Variants in F2 observed in about 807,000 individuals in gnomAD.
F2 encodes the protein prothrombin.
F2 carries 34 observed loss-of-function variants against 81.9 expected under a neutral mutation model. The observed-to-expected ratio is 0.42, with a 90% CI of 0.32 to 0.55. The LOEUF (loss-of-function observed/expected upper bound fraction) is 0.55, where lower values mean the gene tolerates loss of function less well. Among genes scored for constraint, F2 ranks in the 20% least tolerant of loss-of-function variants. The probability of loss-of-function intolerance (pLI) is 0.18; values close to 1 mark genes in which losing one functional copy is unlikely to be tolerated. For synonymous variants in F2, 296 were observed against 326.4 expected, an observed-to-expected ratio of 0.91 and a Z score of 1.01; for missense variants, 630 against 833.4, an observed-to-expected ratio of 0.76 and a Z score of 3.00.
chr11:46,722,449 G>C (rs2064843018), intron 4 of F2, among the ~76,000 whole-genome samples: 2 of 152,088 alleles, frequency 1.3e-5, no homozygotes, highest in African/African-American at 4.8e-5. Flanking sequence ...TAGCTGGGGT[G>C]TGGTGGCACG....
Position 46,719,729 on chromosome 11 carries a change from C to T in F2, c.107C>T (p.Ser36Leu), listed in dbSNP as rs764885504. The T allele has an allele frequency of 1.2e-5, 19 of 1,594,762 alleles. No individual in the cohort carries two copies. Among genetic ancestry groups the T allele is most frequent in the South Asian group, 1.1e-5 (1 of 87,402 alleles). Residue 36 changes from serine to leucine, a missense_variant, in exon 2 of 14, where the codon TCG becomes TTG. Ser to Leu is a moderately radical substitution (Grantham distance 145). Coordinates refer to ENST00000311907, the MANE Select transcript of F2 (RefSeq NM_000506.5). The surrounding 1 kb of genome is among the most constrained non-coding windows in gnomAD (Gnocchi z 4.7). ...HVFLAPQQAR[S>L]LLQRVRRANT... ...TTCCTGGCTCCTCAGCAAGCACGGT[C>T]GCTGCTCCAGCGGGTCCGGCGAGCC...
Position 46,726,040 on chromosome 11 carries a change from G to C in F2, c.741G>C (p.Lys247Asn). ...GCGCACAGGCCAAGGCCCTGAGCAA[G>C]CACCAGGACTTCAACTCAGCTGTGC... ...WASAQAKALS[K>N]HQDFNSAVQL... The change falls in exon 7 of 14, where the codon AAG becomes AAC. Residue 247 changes from lysine to asparagine, a missense_variant. Coordinates refer to ENST00000311907, the MANE Select transcript of F2 (RefSeq NM_000506.5). This position sits in a 1 kb window ranked among gnomAD's most constrained non-coding sequence, Gnocchi z 5.9. 1 of 1,614,158 alleles carries C rather than the reference G, an allele frequency of 6.2e-7. No individual in the cohort carries two copies. Among genetic ancestry groups the C allele is most frequent in the Non-Finnish European group, 8.5e-7 (1 of 1,180,030 alleles).
chr11:46,726,462 C>T lies in F2; in HGVS notation c.875-36C>T, dbSNP rs183112445. 146 of 1,604,796 alleles carry T rather than the reference C, an allele frequency of 9.1e-5. No individual in the cohort carries two copies. The East Asian group carries it at 3.0e-3, about 33-fold the overall frequency. ...ATCTAGGGGATGGGTGAGGAATGGC[C>T]CAGCCCAGTCCCAGCCGGTGCCTGG... On this transcript the variant is annotated intron_variant, in intron 7 of 13. Transcript: ENST00000311907. This position sits in a 1 kb window ranked among gnomAD's most constrained non-coding sequence, Gnocchi z 5.9.
intron 2 of F2, 106 bp from the exon 3 acceptor site, chr11:46,720,417 C>T (rs900247822): frequency 7.6e-7 from 1 of 1,316,638 alleles, no homozygotes; most frequent in African/African-American, 1.4e-5. Context: ...GAGCCTGCCC[C>T]CTGCGTGACC....
intron 6 of F2, among the ~76,000 whole-genome samples, chr11:46,725,593 A>G (rs2134531033): frequency 6.6e-6 from 1 of 152,240 alleles, no homozygotes; most frequent in Admixed American, 6.5e-5. Flanking sequence ...TTAATTACAG[A>G]TGGCCTAGGA....
chr11:46,726,534 A>C lies in F2; in HGVS notation c.911A>C (p.Asp304Ala). The C allele has an allele frequency of 1.2e-6, 2 of 1,614,014 alleles. No homozygotes were observed. Among genetic ancestry groups the C allele is most frequent in the African/African-American group, 1.3e-5 (1 of 75,054 alleles). Residue 304 changes from aspartate to alanine, a missense_variant, in exon 8 of 14, where the codon GAT becomes GCT. Asp to Ala is a moderately radical substitution (Grantham distance 126). Coordinates refer to ENST00000311907, the MANE Select transcript of F2 (RefSeq NM_000506.5). The surrounding 1 kb of genome is among the most constrained non-coding windows in gnomAD (Gnocchi z 5.9). ...AVEEETGDGL[D>A]EDSDRAIEGR... ...GAGGAGGAGACAGGAGATGGGCTGG[A>C]TGAGGACTCAGACAGGGCCATCGAA...
In F2 at chr11:46,725,968, G is replaced by A. The variant is rs910533110; in HGVS notation, c.669G>A (p.Gly223=). The A allele has an allele frequency of 3.7e-6, 6 of 1,613,814 alleles. No homozygotes were observed. In the Admixed American group the frequency reaches 6.7e-5, roughly 18 times the overall value. ...CVPDRGQQYQ[G]RLAVTTHGLP... Reference sequence around the variant, plus strand: ...CTGATCGGGGGCAGCAGTACCAGGGGCGCCTGGCGGTGACCACACATGGGC... The same window carrying A: ...CTGATCGGGGGCAGCAGTACCAGGGACGCCTGGCGGTGACCACACATGGGC... The change falls in exon 7 of 14, where the codon GGG becomes GGA. Residue 223 remains glycine, a synonymous_variant. Coordinates refer to ENST00000311907, the MANE Select transcript of F2 (RefSeq NM_000506.5).
At position 46,732,952 on chromosome 11, in the gene F2, G is replaced by A. The variant is rs182053788; in HGVS notation, c.1654+3391G>A. Among the ~76,000 whole-genome samples, 440 of 152,232 alleles carry A rather than the reference G, an allele frequency of 2.9e-3. 5 individuals carry two copies. The highest frequency in any genetic ancestry group is 1.9e-3 in the Non-Finnish European group (126 of 68,030). On this transcript the variant is annotated intron_variant, in intron 12 of 13. Transcript: ENST00000311907. The stretch of plus-strand genomic sequence containing the variant: ...TTAGAACTGAGATCTGGGTGCTGGC[G>A]TGTGCACATTGCTAGTGGGATGTCA...
chr11:46,728,573 C>G lies in F2; in HGVS notation c.1299-91C>G. On this transcript the variant is annotated intron_variant, in intron 10 of 13. Transcript: ENST00000311907. This position sits in a 1 kb window ranked among gnomAD's most constrained non-coding sequence, Gnocchi z 5.1. ...CCCCTCCCTGGTGGCCTGCAGGACA[C>G]ACTGTCTCCCAGACCCCAAGGGCAG... is the stretch of plus-strand genomic sequence containing the variant. 2 of 1,451,740 alleles carry G rather than the reference C, an allele frequency of 1.4e-6. No homozygotes were observed. Among genetic ancestry groups the G allele is most frequent in the Non-Finnish European group, 1.9e-6 (2 of 1,038,936 alleles). The allele number at this position is 1,451,740 out of a possible 1,614,324, so 89.9% of individuals were successfully genotyped here. A position where few individuals can be genotyped will look rare whatever the true frequency, so the allele number is the denominator to read the frequency against.
At chr11:46,737,509 C>T (rs1475397028) in intron 12 of F2, among the ~76,000 whole-genome samples, 10 of 140,138 alleles carry the variant, frequency 7.1e-5, no homozygotes, top group Non-Finnish European at 9.1e-5. Context: ...GGTGCGATCT[C>T]GGCTCACTGA....
rs1465812938 is a variant in F2, at chr11:46,723,313, T to G, written c.422+28T>G. On this transcript the variant is annotated intron_variant, in intron 5 of 13. Coordinates refer to ENST00000311907, the MANE Select transcript of F2 (RefSeq NM_000506.5). This position sits in a 1 kb window ranked among gnomAD's most constrained non-coding sequence, Gnocchi z 5.6. ...GAGTGAGGGGCCGGCCTTCCCACCA[T>G]GGGCTGAGAACAGGGAGCAAGCGTA... 1 of 1,613,306 alleles carries G rather than the reference T, an allele frequency of 6.2e-7. No homozygotes were observed. Among genetic ancestry groups the G allele is most frequent in the Non-Finnish European group, 8.5e-7 (1 of 1,179,390 alleles).
chr11:46,720,440 A>C, intron 2 of F2, 83 bp from the exon 3 acceptor site: 1 of 1,509,806 alleles, frequency 6.6e-7, no homozygotes, highest in Non-Finnish European at 9.2e-7. Context: ...GGTAAAGGAA[A>C]GTGTGAGGAG....
At chr11:46,720,921 G>A (rs1250716678) in intron 4 of F2, 81 bp downstream of exon 4, 1 of 1,492,196 alleles carries the variant, frequency 6.7e-7, no homozygotes, top group East Asian at 2.3e-5. Flanking sequence ...TTGGAGTGTG[G>A]CTGGTGGAGG....
At chr11:46,725,161 C>T (rs1338987094) in intron 6 of F2, among the ~76,000 whole-genome samples, 3 of 150,086 alleles carry the variant, frequency 2.0e-5, no homozygotes, top group Non-Finnish European at 4.4e-5. Context: ...CCTCCACCTC[C>T]TGGGTTCAGG....
chr11:46,731,279 G>T (rs540418417), intron 12 of F2, among the ~76,000 whole-genome samples: 5 of 148,248 alleles, frequency 3.4e-5, no homozygotes, highest in African/African-American at 1.2e-4. Context: ...AGGCTAGAGT[G>T]CAGTGGCATG....
chr11:46,738,976 C>T, intron 12 of F2, 72 bp from the exon 13 acceptor site: 1 of 1,490,954 alleles, frequency 6.7e-7, no homozygotes, highest in Non-Finnish European at 9.4e-7. Context: ...CTCTCACCAG[C>T]TGTGTCTCGT....
intron 12 of F2, among the ~76,000 whole-genome samples, chr11:46,737,839 C>T (rs1189196917): frequency 7.1e-6 from 1 of 141,356 alleles, no homozygotes; most frequent in Non-Finnish European, 1.6e-5. Flanking sequence ...CTCTTGCTAG[C>T]TTTTTTTTTT....
chr11:46,723,509 C>T lies in F2; in HGVS notation c.550C>T (p.Pro184Ser), dbSNP rs753359568. Residue 184 changes from proline (P) to serine (S), a missense_variant, in exon 6 of 14, where the codon CCT becomes TCT. By Grantham distance (74) the Pro-to-Ser change is moderately conservative (BLOSUM62 -1). Transcript: ENST00000311907. This position sits in a 1 kb window ranked among gnomAD's most constrained non-coding sequence, Gnocchi z 5.6. ...CGTGAGGAGGCAGGAATGCAGCATC[C>T]CTGTCTGTGGTAAGCTGGGGGCAGT... ...PTVRRQECSI[P>S]VCGQDQVTVA... 1.9e-6 allele frequency: 3 copies of T among 1,612,908 alleles called. No homozygotes were observed. Among genetic ancestry groups the T allele is most frequent in the Non-Finnish European group, 2.5e-6 (3 of 1,179,456 alleles).
Position 46,720,887 on chromosome 11 carries a change from T to G in F2, c.316+47T>G, listed in dbSNP as rs767741988. On this transcript the variant is annotated intron_variant, in intron 4 of 13. Transcript: ENST00000311907. ...GGGGAGCAGGACATGGAGGGGAGCC[T>G]GGGAGAAGAGCTCAGGGGTGGGTTT... The G allele has an allele frequency of 1.9e-6, 3 of 1,609,558 alleles. No individual in the cohort carries two copies. The Admixed American group carries it at 5.0e-5, about 27-fold the overall frequency.
Sources: gnomAD v4.1 joint callset for allele counts (sites outside exome capture counted in the v4.1 genomes callset) on GRCh38, gnomAD v4.1.1 for gene constraint, Gnocchi (gnomAD v3.1) non-coding constraint, MANE v1.5 for transcripts, NCBI Gene and HGNC (gene_info 2026-07-23, HGNC 2026-07-21) for gene names.